CNOT2: variants seen among roughly 807,000 people sequenced by gnomAD.
CNOT2 encodes the protein CCR4-NOT transcription complex subunit 2.
CNOT2 carries 7 observed loss-of-function variants against 72.1 expected under a neutral mutation model. The ratio of observed to expected loss-of-function variants is 0.10; its 90% CI spans 0.06 to 0.18. The LOEUF is 0.18. Among genes scored for constraint, CNOT2 ranks in the 10% least tolerant of loss-of-function variants. CNOT2 has a pLI of 1.00. For synonymous variants in CNOT2, 196 were observed against 225.6 expected (o/e 0.87, Z 1.17); for missense variants, 345 against 660.3 (o/e 0.52, Z 5.23).
At chr12:70,254,127 A>C (rs1958295001) in intron 1 of CNOT2, among the ~76,000 whole-genome samples, 1 of 151,620 alleles carries the variant, frequency 6.6e-6, no homozygotes, top group South Asian at 2.1e-4. Flanking sequence ...AGTCCTAGCT[A>C]CTCAGGAGGC....
chr12:70,306,675 A>G (rs1291108284), intron 2 of CNOT2, among the ~76,000 whole-genome samples: 6 of 152,248 alleles, frequency 3.9e-5, no homozygotes, highest in African/African-American at 7.2e-5. Context: ...CAAAGTATAT[A>G]TAAGCCCTTG....
intron 4 of CNOT2, chr12:70,322,235 C>G (rs570477307): frequency 6.6e-6 from 1 of 151,842 alleles, no homozygotes; most frequent in Admixed American, 6.6e-5. Context: ...ATTCAAGGAC[C>G]TGCTGTATGT....
intron 1 of CNOT2, among the ~76,000 whole-genome samples, chr12:70,271,506 T>G (rs997624403): frequency 6.6e-6 from 1 of 151,602 alleles, no homozygotes; most frequent in Non-Finnish European, 1.5e-5. Context: ...CCTGAGCGAC[T>G]GGGATTACAG....
At chr12:70,287,959 CA>C (rs1234190929) in intron 2 of CNOT2, among the ~76,000 whole-genome samples, 7 of 149,352 alleles carry the variant, frequency 4.7e-5, no homozygotes, top group Non-Finnish European at 8.9e-5. Flanking sequence ...GAACCAATTC[CA>C]AATAAAATAT....
intron 2 of CNOT2, among the ~76,000 whole-genome samples, chr12:70,302,493 C>G (rs1425955093): frequency 6.6e-6 from 1 of 151,888 alleles, no homozygotes; most frequent in Non-Finnish European, 1.5e-5. Flanking sequence ...CATTCAGGAG[C>G]AGGTTGTTCA....
chr12:70,267,123 T>G (rs2135760286), intron 1 of CNOT2, among the ~76,000 whole-genome samples: 1 of 152,288 alleles, frequency 6.6e-6, no homozygotes, highest in African/African-American at 2.4e-5. Flanking sequence ...ATTCTTAACT[T>G]TTCAGAATTT....
chr12:70,305,873 GTTTTTTT>G lies in CNOT2; in HGVS notation c.49-5007_49-5001del, dbSNP rs11412509. 1.3e-3 allele frequency among the ~76,000 whole-genome samples: 78 copies of G among 60,108 alleles called. 1 individual carries two copies. Among genetic ancestry groups the G allele is most frequent in the African/African-American group, 4.8e-3 (73 of 15,334 alleles). 39.4% of individuals were successfully genotyped at this position (60,108 alleles called of 152,430 possible). A position where few individuals can be genotyped will look rare whatever the true frequency, so the allele number is the denominator to read the frequency against. On this transcript the variant is annotated intron_variant, in intron 2 of 15. Coordinates refer to ENST00000229195, the MANE Select transcript of CNOT2 (RefSeq NM_014515.7). ...TTCTTGGTTATTTTATCTGAAGTTT[GTTTTTTT>G]TTTTTTTTTTTTTTGGTAAATTTCT...
At chr12:70,298,984 G>A (rs942251692) in intron 2 of CNOT2, among the ~76,000 whole-genome samples, 2 of 152,158 alleles carry the variant, frequency 1.3e-5, no homozygotes, top group Non-Finnish European at 2.9e-5. Flanking sequence ...GGAGGCTATT[G>A]GAGTGGCTTG....
At chr12:70,344,002 A>G (rs1881842402) in intron 13 of CNOT2, 126 bp from the exon 14 acceptor site, 2 of 559,270 alleles carry the variant, frequency 3.6e-6, no homozygotes, top group African/African-American at 3.9e-5. Flanking sequence ...TCATGTAATA[A>G]CAGTTATCTA....
At chr12:70,308,055 C>G (rs899221579) in intron 2 of CNOT2, among the ~76,000 whole-genome samples, 3 of 152,130 alleles carry the variant, frequency 2.0e-5, no homozygotes, top group Non-Finnish European at 2.9e-5. Flanking sequence ...TGAGTTCCTA[C>G]CCTTCACCAC....
At chr12:70,258,868 C>T (rs990119537) in intron 1 of CNOT2, among the ~76,000 whole-genome samples, 7 of 152,174 alleles carry the variant, frequency 4.6e-5, no homozygotes, top group African/African-American at 7.2e-5. Context: ...CTGAGAGAGA[C>T]GGATTCTTGA....
At chr12:70,244,409 C>T (rs1957773720) in intron 1 of CNOT2, 1 of 152,246 alleles carries the variant, frequency 6.6e-6, no homozygotes, top group Non-Finnish European at 1.5e-5. Flanking sequence ...TGTTGTCTGT[C>T]CGGGTGAAAG....
At chr12:70,331,432 ACTTTATCATAT>A (rs1422236434) in intron 6 of CNOT2, 1 of 151,794 alleles carries the variant, frequency 6.6e-6, no homozygotes, top group Non-Finnish European at 1.5e-5. Flanking sequence ...CTTTATCATA[ACTTTATCATAT>A]CTTTGTGCGT....
chr12:70,279,976 C>A (rs1276985109), intron 2 of CNOT2, among the ~76,000 whole-genome samples: 1 of 152,018 alleles, frequency 6.6e-6, no homozygotes, highest in African/African-American at 2.4e-5. Context: ...AATGTTTTCC[C>A]TTTTCTCTCT....
intron 1 of CNOT2, among the ~76,000 whole-genome samples, chr12:70,247,978 G>A (rs1957963364): frequency 6.6e-6 from 1 of 152,186 alleles, no homozygotes; most frequent in Admixed American, 6.5e-5. Flanking sequence ...TCTTAGGGAA[G>A]TGTGTGTAAA....
intron 3 of CNOT2, among the ~76,000 whole-genome samples, chr12:70,317,696 G>C (rs1019508995): frequency 7.0e-6 from 1 of 142,324 alleles, no homozygotes; most frequent in African/African-American, 2.6e-5. Context: ...GTATAACTCA[G>C]CCCTACCTCA....
chr12:70,297,073 A>C (rs764949989), intron 2 of CNOT2, among the ~76,000 whole-genome samples: 7 of 152,182 alleles, frequency 4.6e-5, no homozygotes, highest in Non-Finnish European at 8.8e-5. Flanking sequence ...AATTGGCTAC[A>C]CCTTGATAAA....
intron 4 of CNOT2, among the ~76,000 whole-genome samples, chr12:70,325,985 A>T (rs1879013207): frequency 6.6e-6 from 1 of 151,854 alleles, no homozygotes; most frequent in Non-Finnish European, 1.5e-5. Context: ...TGTTTAAGTG[A>T]TGTGCTGTTA....
chr12:70,278,509 A>T, intron 2 of CNOT2: 1 of 431,256 alleles, frequency 2.3e-6, no homozygotes, highest in South Asian at 4.4e-5. Context: ...TTTCTGAGAT[A>T]TTTGTCAAAA....
Sources: gnomAD v4.1 joint callset for allele counts (sites outside exome capture counted in the v4.1 genomes callset) on GRCh38, gnomAD v4.1.1 for gene constraint, MANE v1.5 for transcripts, NCBI Gene and HGNC (gene_info 2026-07-23, HGNC 2026-07-21) for gene names.